The following SEMA3C variants were observed in gnomAD, a reference collection of about 807,000 sequenced individuals.
The protein encoded by SEMA3C is semaphorin 3C, also known as semaphorin-3C.
In SEMA3C, 47 loss-of-function variants were observed where a neutral mutation model predicts 89.4. That is an observed-to-expected ratio of 0.53 (90% CI 0.42 to 0.67). The LOEUF (loss-of-function observed/expected upper bound fraction) is 0.67, where lower values mean the gene tolerates loss of function less well. Among genes scored for constraint, SEMA3C ranks in the 30% least tolerant of loss-of-function variants. The pLI is 0.00. For missense variants in SEMA3C, 839 were observed against 929.1 expected (o/e 0.90, Z 1.26); for synonymous variants, 310 against 320.2 (o/e 0.97, Z 0.34).
intron 2 of SEMA3C, among the ~76,000 whole-genome samples, chr7:80,901,289 G>A (rs1336678097): frequency 1.3e-5 from 2 of 152,116 alleles, no homozygotes; most frequent in African/African-American, 2.4e-5. Context: ...GTGATTCAAC[G>A]ATTTACTGAT....
At chr7:80,922,294 TCTA>T (rs1792423924), upstream of SEMA3C, 3 of 1,288,764 alleles carry the variant, frequency 2.3e-6, no homozygotes, top group Non-Finnish European at 3.0e-6. Flanking sequence ...TCTCCTCTTT[TCTA>T]CTTCCCTCTC....
intron 6 of SEMA3C, among the ~76,000 whole-genome samples, chr7:80,806,204 A>C (rs1789338274): frequency 6.6e-6 from 1 of 152,160 alleles, no homozygotes; most frequent in South Asian, 2.1e-4. Flanking sequence ...GCTGGGAACT[A>C]GTGCTAAGCT....
intron 2 of SEMA3C, among the ~76,000 whole-genome samples, chr7:80,845,520 C>T (rs1160668152): frequency 6.6e-6 from 1 of 152,076 alleles, no homozygotes; most frequent in Non-Finnish European, 1.5e-5. Context: ...ACAATAAAAT[C>T]ATGCTCCATT....
chr7:80,886,773 T>C (rs1791489316), intron 2 of SEMA3C, among the ~76,000 whole-genome samples: 1 of 152,200 alleles, frequency 6.6e-6, no homozygotes, highest in African/African-American at 2.4e-5. Flanking sequence ...CATCATAAAA[T>C]TATTAAACCA....
chr7:80,888,988 C>G (rs527798711), intron 2 of SEMA3C, among the ~76,000 whole-genome samples: 1 of 152,034 alleles, frequency 6.6e-6, no homozygotes, highest in East Asian at 1.9e-4. Context: ...CTCAGCCTCC[C>G]GAGTAGCTGG....
chr7:80,837,466 T>TA (rs1216019148), intron 2 of SEMA3C, among the ~76,000 whole-genome samples: 1 of 152,148 alleles, frequency 6.6e-6, no homozygotes, highest in Non-Finnish European at 1.5e-5. Flanking sequence ...CTGCAAGGAT[T>TA]ATTGGGGCAA....
chr7:80,887,608 C>T (rs1404768186), intron 2 of SEMA3C, among the ~76,000 whole-genome samples: 1 of 152,194 alleles, frequency 6.6e-6, no homozygotes, highest in Non-Finnish European at 1.5e-5. Context: ...CTATTACCAT[C>T]TATCTGTCAA....
chr7:80,764,653 G>C (rs2117058925), intron 13 of SEMA3C, among the ~76,000 whole-genome samples: 1 of 152,148 alleles, frequency 6.6e-6, no homozygotes, highest in Non-Finnish European at 1.5e-5. Context: ...GAGTGGTAAA[G>C]AGACAACATT....
At chr7:80,784,812 A>T (rs921835190) in intron 12 of SEMA3C, among the ~76,000 whole-genome samples, 1 of 152,100 alleles carries the variant, frequency 6.6e-6, no homozygotes, top group Non-Finnish European at 1.5e-5. Context: ...TGCTCATGAG[A>T]TATTCTGCTT....
At chr7:80,847,978 C>T (rs755254562) in intron 2 of SEMA3C, among the ~76,000 whole-genome samples, 3 of 152,304 alleles carry the variant, frequency 2.0e-5, no homozygotes, top group Non-Finnish European at 4.4e-5. Context: ...CTAACTCCTA[C>T]CCCAACATAA....
At chr7:80,817,230 C>G (rs1192634607) in intron 5 of SEMA3C, among the ~76,000 whole-genome samples, 2 of 151,922 alleles carry the variant, frequency 1.3e-5, no homozygotes, top group African/African-American at 4.8e-5. Context: ...TTAAAAGATA[C>G]TTATGTATAA....
intron 2 of SEMA3C, among the ~76,000 whole-genome samples, chr7:80,859,826 A>G (rs1360159509): frequency 6.6e-6 from 1 of 152,058 alleles, no homozygotes; most frequent in African/African-American, 2.4e-5. Flanking sequence ...GGCACAGAAA[A>G]TGTTTCTGAA....
At position 80,837,155 on chromosome 7, in the gene SEMA3C, T is replaced by C. The variant is rs148189619; in HGVS notation, c.104-8410A>G. Among the ~76,000 whole-genome samples the C allele has an allele frequency of 1.8e-4, 27 of 152,264 alleles. No homozygotes were observed. The East Asian group carries it at 3.5e-3, about 20-fold the overall frequency. ...CAGTTATTTCTACACAGAACTAGCATCAGAATCATCTGAATCTTCAGAATC... is the reference window on the plus strand; with the variant it reads ...CAGTTATTTCTACACAGAACTAGCACCAGAATCATCTGAATCTTCAGAATC... On this transcript the variant is annotated intron_variant, in intron 2 of 17. Coordinates refer to ENST00000265361, the MANE Select transcript of SEMA3C (RefSeq NM_006379.5).
At position 80,789,594 on chromosome 7, in the gene SEMA3C, ACT is replaced by A. The variant is rs1443305965; in HGVS notation, c.1132-68_1132-67del. 35 of 1,148,616 alleles carry A rather than the reference ACT, an allele frequency of 3.0e-5. 1 individual carries two copies. In the South Asian group the frequency reaches 5.5e-4, roughly 18 times the overall value. The allele number at this position is 1,148,616 out of a possible 1,614,324, so 71.2% of individuals were successfully genotyped here. A position where few individuals can be genotyped will look rare whatever the true frequency, so the allele number is the denominator to read the frequency against. On this transcript the variant is annotated intron_variant, in intron 11 of 17. Transcript: ENST00000265361. ...TGTCTTGTTCTAGTAATAATCAAAA[ACT>A]CTCTACTTTTGAAATCACTTAGAAG... is the stretch of plus-strand genomic sequence containing the variant.
intron 4 of SEMA3C, 133 bp from the exon 5 acceptor site, chr7:80,818,551 G>T: frequency 1.0e-6 from 1 of 956,082 alleles, no homozygotes; most frequent in Non-Finnish European, 1.5e-6. Flanking sequence ...TTAGTCCAGG[G>T]GCGTCCAATC....
intron 2 of SEMA3C, among the ~76,000 whole-genome samples, chr7:80,830,224 CT>C (rs1789978650): frequency 6.6e-6 from 1 of 152,162 alleles, no homozygotes; most frequent in African/African-American, 2.4e-5. Context: ...GCCAAACTTC[CT>C]GTGAAACTGA....
chr7:80,750,467 T>C (rs1430584695), intron 16 of SEMA3C, among the ~76,000 whole-genome samples: 913 of 61,644 alleles, frequency 0.015, 34 homozygotes, highest in Middle Eastern at 0.05. Flanking sequence ...TATATATATA[T>C]ATATATACAC....
At chr7:80,837,116 T>G (rs1345993777) in intron 2 of SEMA3C, among the ~76,000 whole-genome samples, 1 of 152,154 alleles carries the variant, frequency 6.6e-6, no homozygotes, top group Non-Finnish European at 1.5e-5. Context: ...AAATAAAATA[T>G]AAAACTGTTC....
chr7:80,754,024 G>A (rs911520422), intron 15 of SEMA3C, among the ~76,000 whole-genome samples: 12 of 152,158 alleles, frequency 7.9e-5, no homozygotes, highest in Admixed American at 3.3e-4. Context: ...TGCAATCTCC[G>A]CCTCCCAGGT....
Sources: gnomAD v4.1 joint callset for allele counts (sites outside exome capture counted in the v4.1 genomes callset) on GRCh38, gnomAD v4.1.1 for gene constraint, MANE v1.5 for transcripts, NCBI Gene and HGNC (gene_info 2026-07-23, HGNC 2026-07-21) for gene names.